Variants in RAB3IL1 observed in about 807,000 individuals in gnomAD.
RAB3IL1 encodes the protein guanine nucleotide exchange factor for Rab-3A.
Under a neutral mutation model 49.2 loss-of-function variants are expected in RAB3IL1, and 37 were observed. The observed-to-expected ratio is 0.75, with a 90% CI of 0.58 to 0.99. The LOEUF (loss-of-function observed/expected upper bound fraction) is 0.99. RAB3IL1 is among the 50% of genes least tolerant of loss of function. RAB3IL1 has a pLI of 0.00. For missense variants in RAB3IL1, 484 were observed against 513.0 expected (o/e 0.94, Z 0.55); for synonymous variants, 193 against 213.9 (o/e 0.90, Z 0.85).
the RAB3IL1 span, among the ~76,000 whole-genome samples, chr11:61,939,267 C>G: frequency 1.4e-4 from 21 of 152,194 alleles, no homozygotes; most frequent in East Asian, 3.3e-3. Flanking sequence ...TTAAGCAACA[C>G]ACTCTTAACT....
chr11:61,921,425 C>A (rs1939903898), upstream of RAB3IL1, among the ~76,000 whole-genome samples: 1 of 152,186 alleles, frequency 6.6e-6, no homozygotes, highest in Non-Finnish European at 1.5e-5. Flanking sequence ...TGTGCCCATT[C>A]CTCTTCTTTC....
At chr11:61,928,734 C>A in the RAB3IL1 span, among the ~76,000 whole-genome samples, 1 of 152,326 alleles carries the variant, frequency 6.6e-6, no homozygotes, top group African/African-American at 2.4e-5. Flanking sequence ...TGGCTCCAGG[C>A]AGAAGCAGAT....
intron 1 of RAB3IL1, among the ~76,000 whole-genome samples, 184 bp downstream of exon 1, chr11:61,917,173 A>T (rs1939731880): frequency 6.6e-6 from 1 of 151,816 alleles, no homozygotes; most frequent in Non-Finnish European, 1.5e-5. Context: ...GCACCCCGAG[A>T]GACACCCCCG....
the RAB3IL1 span, among the ~76,000 whole-genome samples, chr11:61,931,681 G>A: frequency 6.3e-4 from 95 of 151,952 alleles, 1 homozygote; most frequent in East Asian, 0.018. Context: ...AAGAAGGAGA[G>A]GCATTAATAA....
chr11:61,899,925 CGGGGACCCTGTGTT>C (rs1460149829), intron 8 of RAB3IL1, among the ~76,000 whole-genome samples: 1 of 152,220 alleles, frequency 6.6e-6, no homozygotes, highest in Non-Finnish European at 1.5e-5. Context: ...TGCCAGGCCC[CGGGGACCCTGTGTT>C]GGCTCAGACA....
At chr11:61,943,897 A>G in the RAB3IL1 span, among the ~76,000 whole-genome samples, 1 of 152,342 alleles carries the variant, frequency 6.6e-6, no homozygotes, top group African/African-American at 2.4e-5. Flanking sequence ...AAAGACTGGA[A>G]GGAAATACAT....
At chr11:61,946,051 T>G in the RAB3IL1 span, among the ~76,000 whole-genome samples, 1 of 152,196 alleles carries the variant, frequency 6.6e-6, no homozygotes, top group African/African-American at 2.4e-5. Context: ...GTGGAGGTGC[T>G]GTTGTCTGTC....
At chr11:61,936,473 C>T in the RAB3IL1 span, among the ~76,000 whole-genome samples, 1 of 152,184 alleles carries the variant, frequency 6.6e-6, no homozygotes, top group Non-Finnish European at 1.5e-5. Flanking sequence ...ACGATCTCAG[C>T]TCACTGTAAC....
chr11:61,900,345 C>T (rs544366928), intron 8 of RAB3IL1, among the ~76,000 whole-genome samples: 36 of 152,340 alleles, frequency 2.4e-4, no homozygotes, highest in Middle Eastern at 3.4e-3. Flanking sequence ...TGTGCCCGCC[C>T]GCAACAGCCC....
intron 1 of RAB3IL1, among the ~76,000 whole-genome samples, chr11:61,909,109 A>G (rs1210788066): frequency 6.6e-6 from 1 of 152,234 alleles, no homozygotes; most frequent in African/African-American, 2.4e-5. Flanking sequence ...TTTTGTGCCA[A>G]GACAGCACCT....
At chr11:61,901,694 C>A (rs1323369078) in intron 8 of RAB3IL1, among the ~76,000 whole-genome samples, 2 of 152,164 alleles carry the variant, frequency 1.3e-5, no homozygotes, top group Non-Finnish European at 2.9e-5. Flanking sequence ...TGAGGGTGTC[C>A]CCTTGCCAGC....
intron 2 of RAB3IL1, 51 bp from the exon 3 acceptor site, chr11:61,907,711 C>T (rs373027331): frequency 2.2e-5 from 34 of 1,541,060 alleles, no homozygotes; most frequent in Non-Finnish European, 3.0e-5. Flanking sequence ...CCAGGCCTGG[C>T]ACGGGAGGGA....
At chr11:61,943,776 C>T in the RAB3IL1 span, among the ~76,000 whole-genome samples, 118 of 152,300 alleles carry the variant, frequency 7.7e-4, 6 homozygotes, top group South Asian at 0.023. Flanking sequence ...TACTACTGCA[C>T]ACCTACTAGG....
At chr11:61,945,804 G>C in the RAB3IL1 span, 1 of 985,368 alleles carries the variant, frequency 1.0e-6, no homozygotes, top group Non-Finnish European at 1.2e-6. Context: ...GAGTCCATGG[G>C]GGACCTCGCA....
At position 61,904,553 on chromosome 11, in the gene RAB3IL1, T is replaced by C; in HGVS notation, c.892A>G (p.Ser298Gly). 1 of 1,609,278 alleles carries C rather than the reference T, an allele frequency of 6.2e-7. No individual in the cohort carries two copies. The highest frequency in any genetic ancestry group is 2.2e-5 in the East Asian group (1 of 44,818). ...CTAAGACCCTCAGCTTACTTGGTGCTGCTACAGTCAACCTCGGCCACCTTC... is the reference window on the plus strand; with the variant it reads ...CTAAGACCCTCAGCTTACTTGGTGCCGCTACAGTCAACCTCGGCCACCTTC... Reference protein sequence around the residue: ...TVKVAEVDCSSTNTCALSGLT... With the variant: ...TVKVAEVDCSGTNTCALSGLT... The change falls in exon 7 of 10, where the codon AGC becomes GGC. Residue 298 changes from serine (S) to glycine (G), a missense_variant. Transcript: ENST00000394836.
chr11:61,944,258 C>CCTTT, the RAB3IL1 span, among the ~76,000 whole-genome samples: 3 of 139,020 alleles, frequency 2.2e-5, no homozygotes, highest in African/African-American at 5.0e-5. Context: ...TTCCTTCCTT[C>CCTTT]CTTCCTTCCT....
chr11:61,916,122 G>T (rs1178769735), intron 1 of RAB3IL1, among the ~76,000 whole-genome samples: 3 of 151,894 alleles, frequency 2.0e-5, no homozygotes, highest in Non-Finnish European at 4.4e-5. Flanking sequence ...GAGGCTGGTG[G>T]ATCACCTGAG....
chr11:61,917,275 C>T, intron 1 of RAB3IL1, 82 bp downstream of exon 1: 4 of 1,341,612 alleles, frequency 3.0e-6, no homozygotes, highest in South Asian at 3.5e-5. Flanking sequence ...GCAGACCCGG[C>T]GGGGACCCCC....
chr11:61,914,728 G>A (rs1273204809), intron 1 of RAB3IL1, among the ~76,000 whole-genome samples: 2 of 151,248 alleles, frequency 1.3e-5, no homozygotes, highest in Non-Finnish European at 2.9e-5. Context: ...GCCATGACCA[G>A]GACCTGGCCA....
Sources: allele counts gnomAD v4.1 joint callset (sites outside exome capture counted in the v4.1 genomes callset), GRCh38; gene constraint gnomAD v4.1.1; transcripts MANE v1.5; gene names NCBI Gene and HGNC (gene_info 2026-07-23, HGNC 2026-07-21).